Variants in DNAI3 observed in about 807,000 individuals in gnomAD.
The protein encoded by DNAI3 is WD repeat domain 63.
In DNAI3, 83 loss-of-function variants were observed where a neutral mutation model predicts 115.5. That is an observed-to-expected ratio of 0.72 (90% CI 0.60 to 0.86). The LOEUF is 0.86. DNAI3 is among the 40% of genes least tolerant of loss of function. The pLI, the probability that DNAI3 is intolerant of heterozygous loss-of-function variation, is 0.00. For missense variants in DNAI3, 1,004 were observed against 1,075.8 expected (o/e 0.93, Z 0.93); for synonymous variants, 320 against 347.0 (o/e 0.92, Z 0.86).
intron 12 of DNAI3, 143 bp downstream of exon 12, chr1:85,097,798 T>C: frequency 1.3e-6 from 1 of 741,650 alleles, no homozygotes; most frequent in African/African-American, 1.8e-5. Context: ...AGCCTTCACC[T>C]GTGCTTGTGA....
In DNAI3 at chr1:85,117,783, A is replaced by G; in HGVS notation, c.1841A>G (p.His614Arg). 1 of 1,614,020 alleles carries G rather than the reference A, an allele frequency of 6.2e-7. No individual in the cohort carries two copies. Among genetic ancestry groups the G allele is most frequent in the Non-Finnish European group, 8.5e-7 (1 of 1,179,874 alleles). The part of the protein sequence containing the change: ...TEKAEEMNPY[H>R]NLESGMANLL... The stretch of plus-strand genomic sequence containing the variant: ...AAGGCAGAAGAAATGAACCCGTATC[A>G]TAATCTGGAAAGTGGGATGGCCAAT... Residue 614 changes from histidine to arginine, a missense_variant, in exon 17 of 23, where the codon CAT becomes CGT. Coordinates refer to ENST00000294664, the MANE Select transcript of DNAI3 (RefSeq NM_145172.5).
In DNAI3 at chr1:85,110,622, C is replaced by T. The variant is rs987804164; in HGVS notation, c.1786+487C>T. ...TAATGGCAATAATAGCTATTGCCAA[C>T]GCATTAAAATTGCCTATACACAAAA... On this transcript the variant is annotated intron_variant, in intron 16 of 22. Transcript: ENST00000294664. 4.6e-5 allele frequency among the ~76,000 whole-genome samples: 7 copies of T among 152,090 alleles called. No homozygotes were observed. In the East Asian group the frequency reaches 7.7e-4, roughly 17 times the overall value.
rs57826280 is a variant in DNAI3 at position 85,084,473 on chromosome 1, A to AATATATAT, written c.391-63_391-56dup. On this transcript the variant is annotated intron_variant, in intron 5 of 22. Coordinates refer to ENST00000294664, the MANE Select transcript of DNAI3 (RefSeq NM_145172.5). ...TATATAAAAGTAAAGTTTGTTGCAA[A>AATATATAT]ATATATATATATATATAAAGCTATA... is the stretch of plus-strand genomic sequence containing the variant. 2.4e-5 allele frequency: 23 copies of AATATATAT among 954,808 alleles called. No individual in the cohort carries two copies. The East Asian group carries it at 3.4e-4, about 14-fold the overall frequency. The allele number at this position is 954,808 out of a possible 1,614,324, so 59.1% of individuals were successfully genotyped here. A position where few individuals can be genotyped will look rare whatever the true frequency, so the allele number is the denominator to read the frequency against.
At chr1:85,066,277 T>G (rs1654091595) in intron 1 of DNAI3, among the ~76,000 whole-genome samples, 1 of 151,380 alleles carries the variant, frequency 6.6e-6, no homozygotes, top group Non-Finnish European at 1.5e-5. Flanking sequence ...GGCACAACAT[T>G]GATTTTAGGA....
intron 1 of DNAI3, among the ~76,000 whole-genome samples, chr1:85,070,968 C>T (rs549035686): frequency 1.3e-3 from 205 of 152,278 alleles, no homozygotes; most frequent in Non-Finnish European, 2.2e-3. Context: ...TGTGATCCAG[C>T]ATCTAGGAAT....
At chr1:85,103,611 G>A (rs1303825617) in intron 13 of DNAI3, among the ~76,000 whole-genome samples, 3 of 152,060 alleles carry the variant, frequency 2.0e-5, no homozygotes, top group Non-Finnish European at 4.4e-5. Flanking sequence ...TATGAGGCCG[G>A]GCGCATGGCT....
At chr1:85,096,505 T>A (rs1321047236) in intron 11 of DNAI3, among the ~76,000 whole-genome samples, 1 of 67,856 alleles carries the variant, frequency 1.5e-5, no homozygotes, top group Non-Finnish European at 2.7e-5. Flanking sequence ...AGATTATATA[T>A]AAAGATTATA....
At chr1:85,129,934 A>G in intron 21 of DNAI3, 56 bp from the exon 22 acceptor site, 1 of 1,557,606 alleles carries the variant, frequency 6.4e-7, no homozygotes, top group East Asian at 2.3e-5. Context: ...AGAGCCTTGT[A>G]AAGGTCATGG....
chr1:85,098,065 A>C (rs571115474), intron 12 of DNAI3, among the ~76,000 whole-genome samples: 135 of 152,322 alleles, frequency 8.9e-4, no homozygotes, highest in African/African-American at 2.5e-3. Flanking sequence ...TATAAAATGA[A>C]GGGGTTACAT....
At chr1:85,087,908 TTA>T (rs1199071343) in intron 7 of DNAI3, among the ~76,000 whole-genome samples, 1 of 152,098 alleles carries the variant, frequency 6.6e-6, no homozygotes, top group Non-Finnish European at 1.5e-5. Flanking sequence ...AAGTGCAATG[TTA>T]AAGTCAGGGC....
chr1:85,097,745 A>T, intron 12 of DNAI3, 90 bp downstream of exon 12: 1 of 1,163,938 alleles, frequency 8.6e-7, no homozygotes, highest in Non-Finnish European at 1.2e-6. Flanking sequence ...GCTAATAAAA[A>T]CTCAAGAGAA....
At chr1:85,075,439 A>G (rs1654420211) in intron 3 of DNAI3, among the ~76,000 whole-genome samples, 1 of 152,214 alleles carries the variant, frequency 6.6e-6, no homozygotes, top group Non-Finnish European at 1.5e-5. Flanking sequence ...AACCAACCTC[A>G]GAACATTATG....
chr1:85,110,059 C>T lies in DNAI3; in HGVS notation c.1710C>T (p.Ser570=), dbSNP rs761431462. Residue 570 remains serine, a synonymous_variant, in exon 16 of 23, where the codon TCC becomes TCT. Coordinates refer to ENST00000294664, the MANE Select transcript of DNAI3 (RefSeq NM_145172.5). ...TGTTCTCCCAAAAGGTAAGGCTGTC[C>T]AAGGGTGAAACAAGTTTAGACCACT... The part of the protein sequence containing the change: ...SWKPLTKVRL[S]KGETSLDHCP... 1 of 1,612,264 alleles carries T rather than the reference C, an allele frequency of 6.2e-7. No individual in the cohort carries two copies. The highest frequency in any genetic ancestry group is 8.5e-7 in the Non-Finnish European group (1 of 1,179,006).
chr1:85,092,129 T>A (rs1255808783), intron 8 of DNAI3, among the ~76,000 whole-genome samples: 1 of 152,204 alleles, frequency 6.6e-6, no homozygotes, highest in African/African-American at 2.4e-5. Context: ...TCTGACTCAG[T>A]AAGTCGGGTG....
intron 20 of DNAI3, among the ~76,000 whole-genome samples, chr1:85,127,418 A>AT (rs1208546451): frequency 6.6e-6 from 1 of 151,336 alleles, no homozygotes; most frequent in Non-Finnish European, 1.5e-5. Context: ...TTTTTATTTT[A>AT]TTTTTTTGCA....
rs756811950 is a variant in DNAI3 at position 85,093,541 on chromosome 1, T to C, written c.941T>C (p.Phe314Ser). Residue 314 changes from phenylalanine (F) to serine (S), a missense_variant, in exon 9 of 23, where the codon TTT becomes TCT. By Grantham distance (155) the Phe-to-Ser change is radical. Transcript: ENST00000294664. ...WKYLAEEEGT[F>S]GDKTDTHLKE... ...TACCTCGCAGAAGAAGAAGGCACCT[T>C]TGGGGACAAGACCGATACCCACCTG... is the stretch of plus-strand genomic sequence containing the variant. The C allele has an allele frequency of 1.2e-6, 2 of 1,614,180 alleles. No individual in the cohort carries two copies. The highest frequency in any genetic ancestry group is 2.2e-5 in the East Asian group (1 of 44,882).
At chr1:85,123,106 T>A (rs1319048429) in intron 18 of DNAI3, among the ~76,000 whole-genome samples, 1 of 152,242 alleles carries the variant, frequency 6.6e-6, no homozygotes, top group Non-Finnish European at 1.5e-5. Context: ...TCTGTCTTCC[T>A]ATTCAAGTTG....
intron 22 of DNAI3, 71 bp downstream of exon 22, chr1:85,130,183 CCA>C (rs1656271659): frequency 3.2e-6 from 5 of 1,583,318 alleles, no homozygotes; most frequent in African/African-American, 1.4e-5. Flanking sequence ...TTGGCTTAAT[CCA>C]CAGTTTCCAT....
At chr1:85,090,526 G>A (rs1004654461) in intron 8 of DNAI3, among the ~76,000 whole-genome samples, 4 of 152,096 alleles carry the variant, frequency 2.6e-5, no homozygotes, top group Non-Finnish European at 4.4e-5. Flanking sequence ...TTACTTTTAC[G>A]TAATTCTTTT....
Sources: gnomAD v4.1 joint callset for allele counts (sites outside exome capture counted in the v4.1 genomes callset) on GRCh38, gnomAD v4.1.1 for gene constraint, MANE v1.5 for transcripts, NCBI Gene and HGNC (gene_info 2026-07-23, HGNC 2026-07-21) for gene names.